CNTLN: variants seen among roughly 807,000 people sequenced by gnomAD.
CNTLN encodes centlein, centrosomal protein.
CNTLN carries 212 observed loss-of-function variants against 180.0 expected under a neutral mutation model. The ratio of observed to expected loss-of-function variants is 1.18; its 90% CI spans 1.05 to 1.32. CNTLN has a LOEUF of 1.32. Ranked by LOEUF, CNTLN falls within the 40% of genes most tolerant of loss-of-function variation. CNTLN has a pLI of 0.00. For synonymous variants in CNTLN, 722 were observed against 563.1 expected, an observed-to-expected ratio of 1.28 and a Z score of -3.99; for missense variants, 2,095 against 1,610.9, an observed-to-expected ratio of 1.30 and a Z score of -5.14.
chr9:17,294,368 T>C (rs1037557763), intron 6 of CNTLN, among the ~76,000 whole-genome samples: 14 of 151,994 alleles, frequency 9.2e-5, no homozygotes, highest in African/African-American at 2.9e-4. Context: ...TGGTCCATTT[T>C]GACAGGGTGC....
intron 23 of CNTLN, among the ~76,000 whole-genome samples, chr9:17,480,484 A>C (rs1234518362): frequency 6.6e-6 from 1 of 152,180 alleles, no homozygotes. Flanking sequence ...ATGAATCCTT[A>C]GGTGTATTTA....
intron 2 of CNTLN, among the ~76,000 whole-genome samples, chr9:17,214,055 TTTAAGA>T (rs1318827195): frequency 6.6e-6 from 1 of 152,200 alleles, no homozygotes; most frequent in African/African-American, 2.4e-5. Context: ...CCCATTTACA[TTTAAGA>T]TTAATATTGT....
chr9:17,246,608 C>T (rs949763069), intron 5 of CNTLN, among the ~76,000 whole-genome samples: 4 of 152,152 alleles, frequency 2.6e-5, no homozygotes, highest in African/African-American at 9.7e-5. Flanking sequence ...GTTAATCCAG[C>T]AAGACCTGTG....
At chr9:17,471,911 T>C (rs573218689) in intron 23 of CNTLN, among the ~76,000 whole-genome samples, 145 of 152,162 alleles carry the variant, frequency 9.5e-4, no homozygotes, top group South Asian at 5.2e-3. Context: ...AACATGTAAA[T>C]ACAAGGCAAG....
intron 3 of CNTLN, among the ~76,000 whole-genome samples, chr9:17,230,362 A>G (rs1824735376): frequency 6.6e-6 from 1 of 152,110 alleles, no homozygotes; most frequent in Non-Finnish European, 1.5e-5. Context: ...TATTAATTAT[A>G]CAATAGTCCC....
intron 16 of CNTLN, among the ~76,000 whole-genome samples, chr9:17,414,341 A>G (rs921967233): frequency 6.6e-6 from 1 of 152,282 alleles, no homozygotes; most frequent in African/African-American, 2.4e-5. Context: ...TTGAGTTTGT[A>G]TTCAGTAATA....
At chr9:17,305,610 T>A (rs1174421385) in intron 7 of CNTLN, among the ~76,000 whole-genome samples, 2 of 152,098 alleles carry the variant, frequency 1.3e-5, no homozygotes, top group East Asian at 3.9e-4. Flanking sequence ...AGCTTTTGCC[T>A]TCTTGCAGGA....
intron 12 of CNTLN, among the ~76,000 whole-genome samples, chr9:17,359,184 A>C (rs1253702836): frequency 6.6e-6 from 1 of 151,972 alleles, no homozygotes; most frequent in Non-Finnish European, 1.5e-5. Context: ...ATGCCTGGCT[A>C]ATTTTTTGTA....
chr9:17,219,479 G>T (rs1188739356), intron 2 of CNTLN, among the ~76,000 whole-genome samples: 1 of 152,028 alleles, frequency 6.6e-6, no homozygotes, highest in South Asian at 2.1e-4. Flanking sequence ...TAGACAAATT[G>T]CCATATTTTG....
At chr9:17,488,622 C>T (rs1017149749) in intron 25 of CNTLN, among the ~76,000 whole-genome samples, 1 of 151,930 alleles carries the variant, frequency 6.6e-6, no homozygotes, top group Non-Finnish European at 1.5e-5. Flanking sequence ...TTTTGGTTAA[C>T]ACGTGGAGAG....
chr9:17,325,815 A>G (rs182805432), intron 8 of CNTLN, among the ~76,000 whole-genome samples: 1 of 152,060 alleles, frequency 6.6e-6, no homozygotes, highest in African/African-American at 2.4e-5. Context: ...TATTATCATC[A>G]TTGCAATGTA....
rs192245905 is a variant in CNTLN at position 17,403,868 on chromosome 9, C to T, written c.2616-5425C>T. On this transcript the variant is annotated intron_variant, in intron 15 of 25. Coordinates refer to ENST00000380647, the MANE Select transcript of CNTLN (RefSeq NM_017738.4). ...CTGGCTCACTGCAACCTCTGCTTCG[C>T]GGGTTCAAGCGATTCTCGTGCTTCA... is the stretch of plus-strand genomic sequence containing the variant. 1.1e-4 allele frequency among the ~76,000 whole-genome samples: 17 copies of T among 151,856 alleles called. No individual in the cohort carries two copies. The East Asian group carries it at 1.2e-3, about 10-fold the overall frequency.
chr9:17,229,773 T>G (rs1028824727), intron 3 of CNTLN, among the ~76,000 whole-genome samples: 1 of 152,104 alleles, frequency 6.6e-6, no homozygotes, highest in South Asian at 2.1e-4. Context: ...AACTGACATA[T>G]AAAATTAACC....
rs151185077 is a variant in CNTLN, at chr9:17,363,292, C to T, written c.1887-3325C>T. Among the ~76,000 whole-genome samples the T allele has an allele frequency of 2.9e-3, 438 of 152,220 alleles. 3 individuals carry two copies. The highest frequency in any genetic ancestry group is 9.9e-3 in the African/African-American group (413 of 41,550). ...TTCTGGTTCTAGATCCTTGAGAAAT[C>T]GCCACACTGTCTTCCACAATGGTTG... is the stretch of plus-strand genomic sequence containing the variant. On this transcript the variant is annotated intron_variant, in intron 12 of 25. Coordinates refer to ENST00000380647, the MANE Select transcript of CNTLN (RefSeq NM_017738.4).
intron 16 of CNTLN, among the ~76,000 whole-genome samples, chr9:17,414,760 T>C (rs1828098247): frequency 6.6e-6 from 1 of 152,228 alleles, no homozygotes; most frequent in Non-Finnish European, 1.5e-5. Flanking sequence ...GAAATAATTT[T>C]CTAGATTGCA....
At chr9:17,211,618 G>A (rs1823319096) in intron 2 of CNTLN, among the ~76,000 whole-genome samples, 1 of 152,102 alleles carries the variant, frequency 6.6e-6, no homozygotes. Context: ...TGATGGGGAT[G>A]GCATTGAATC....
intron 2 of CNTLN, among the ~76,000 whole-genome samples, chr9:17,184,224 T>C (rs1010640303): frequency 6.6e-6 from 1 of 152,292 alleles, no homozygotes; most frequent in Admixed American, 6.5e-5. Context: ...ATGAATTTAA[T>C]TATTTGAAAA....
intron 5 of CNTLN, among the ~76,000 whole-genome samples, chr9:17,267,423 G>A (rs1474258678): frequency 1.3e-5 from 2 of 152,076 alleles, no homozygotes; most frequent in Non-Finnish European, 2.9e-5. Flanking sequence ...TCGTCTGATG[G>A]GCTTCCCTTT....
At chr9:17,394,487 T>TA (rs764343940) in intron 14 of CNTLN, 47 bp from the exon 15 acceptor site, 1 of 1,242,030 alleles carries the variant, frequency 8.1e-7, no homozygotes, top group Non-Finnish European at 1.1e-6. Context: ...TAAAGTATAG[T>TA]AGATTATGGT....
Sources: allele counts gnomAD v4.1 joint callset (sites outside exome capture counted in the v4.1 genomes callset), GRCh38; gene constraint gnomAD v4.1.1; transcripts MANE v1.5; gene names NCBI Gene and HGNC (gene_info 2026-07-23, HGNC 2026-07-21).